The following LDB2 variants were observed in gnomAD, a reference collection of about 807,000 sequenced individuals.
The protein encoded by LDB2 is LIM domain-binding protein 2.
Under a neutral mutation model 44.3 loss-of-function variants are expected in LDB2, and 12 were observed. The ratio of observed to expected loss-of-function variants is 0.27; its 90% CI spans 0.17 to 0.44. LDB2 has a LOEUF of 0.44. Among genes scored for constraint, LDB2 ranks in the 20% least tolerant of loss-of-function variants. LDB2 has a pLI of 1.00. For missense variants in LDB2, 344 were observed against 473.5 expected, an observed-to-expected ratio of 0.73 and a Z score of 2.54; for synonymous variants, 164 against 174.8, an observed-to-expected ratio of 0.94 and a Z score of 0.49.
At position 16,708,554 on chromosome 4, in the gene LDB2, G is replaced by A. The variant is rs986149450; in HGVS notation, c.235+50604C>T. The stretch of plus-strand genomic sequence containing the variant: ...ACCTACCACCTTCCTCTGCAAATAC[G>A]GCCTGAGAGAAACTTCTTCTTCAGC... On this transcript the variant is annotated intron_variant, in intron 2 of 7. Transcript: ENST00000304523. 5.9e-5 allele frequency among the ~76,000 whole-genome samples: 9 copies of A among 151,958 alleles called. No homozygotes were observed. In the South Asian group the frequency reaches 6.3e-4, roughly 11 times the overall value.
At chr4:16,658,177 T>C (rs982513845) in intron 2 of LDB2, among the ~76,000 whole-genome samples, 1 of 152,242 alleles carries the variant, frequency 6.6e-6, no homozygotes, top group African/African-American at 2.4e-5. Flanking sequence ...GAGGTCAGTA[T>C]GGCAGATTCC....
At position 16,654,228 on chromosome 4, in the gene LDB2, T is replaced by C. The variant is rs914750920; in HGVS notation, c.236-58353A>G. 2.0e-5 allele frequency among the ~76,000 whole-genome samples: 3 copies of C among 152,158 alleles called. No homozygotes were observed. The South Asian group carries it at 6.2e-4, about 32-fold the overall frequency. Reference sequence around the variant, plus strand: ...AGTCACCCAGGAACTTCCCTGACACTCTGTATGTTTGTGAAAATAAGGAGA... The same window carrying C: ...AGTCACCCAGGAACTTCCCTGACACCCTGTATGTTTGTGAAAATAAGGAGA... On this transcript the variant is annotated intron_variant, in intron 2 of 7. Coordinates refer to ENST00000304523, the MANE Select transcript of LDB2 (RefSeq NM_001290.5).
At chr4:16,857,085 C>T (rs1006244099) in intron 1 of LDB2, among the ~76,000 whole-genome samples, 1 of 152,142 alleles carries the variant, frequency 6.6e-6, no homozygotes, top group African/African-American at 2.4e-5. Flanking sequence ...ATCATGACCC[C>T]GTTACTAATT....
intron 1 of LDB2, among the ~76,000 whole-genome samples, chr4:16,825,118 A>C (rs1782813135): frequency 6.6e-6 from 1 of 152,174 alleles, no homozygotes; most frequent in South Asian, 2.1e-4. Flanking sequence ...CTGAATGATG[A>C]GTAGCTCACC....
chr4:16,785,323 C>G (rs1387823707), intron 1 of LDB2, among the ~76,000 whole-genome samples: 1 of 152,092 alleles, frequency 6.6e-6, no homozygotes, highest in Non-Finnish European at 1.5e-5. Flanking sequence ...CCAGCCTTTT[C>G]TCAATCACTT....
chr4:16,614,846 G>A (rs528110391), intron 2 of LDB2, among the ~76,000 whole-genome samples: 71 of 151,026 alleles, frequency 4.7e-4, no homozygotes, highest in South Asian at 4.6e-3. Context: ...CGAGGCGGGC[G>A]GATCATGAGG....
chr4:16,789,004 G>A (rs287960), intron 1 of LDB2, among the ~76,000 whole-genome samples: 17,484 of 152,106 alleles, frequency 0.11, 1,362 homozygotes, highest in Non-Finnish European at 0.17. Context: ...TGCTGCTCTA[G>A]CAGCAGCAGT....
intron 2 of LDB2, among the ~76,000 whole-genome samples, chr4:16,663,035 A>G (rs1389111160): frequency 1.3e-5 from 2 of 151,942 alleles, no homozygotes; most frequent in East Asian, 1.9e-4. Flanking sequence ...AACCACTCCA[A>G]GTATTTGTTT....
chr4:16,542,663 C>T (rs1213278113), intron 5 of LDB2, among the ~76,000 whole-genome samples: 2 of 152,032 alleles, frequency 1.3e-5, no homozygotes, highest in Non-Finnish European at 2.9e-5. Flanking sequence ...TGTTGAAGTC[C>T]AAAAACAATA....
At chr4:16,809,451 A>G (rs1779374185) in intron 1 of LDB2, among the ~76,000 whole-genome samples, 2 of 152,176 alleles carry the variant, frequency 1.3e-5, no homozygotes, top group African/African-American at 4.8e-5. Flanking sequence ...CTTGAGATAG[A>G]GAAGAGTTAA....
At chr4:16,723,589 T>G (rs1352046386) in intron 2 of LDB2, among the ~76,000 whole-genome samples, 4 of 152,132 alleles carry the variant, frequency 2.6e-5, no homozygotes, top group African/African-American at 9.7e-5. Flanking sequence ...CTGCCACACA[T>G]GAACTCACCC....
chr4:16,898,501 A>C lies in LDB2; in HGVS notation c.-16T>G. 6.2e-7 allele frequency: 1 copy of C among 1,612,996 alleles called. No individual in the cohort carries two copies. Among genetic ancestry groups the C allele is most frequent in the Middle Eastern group, 1.7e-4 (1 of 6,054 alleles). ...TGCTGGACATCTTGCCTGCTTTTCG[A>C]AAATCAAGCTAAACAGAGTATCAGT... On this transcript the variant is annotated 5_prime_UTR_variant, in exon 1 of 8. Transcript: ENST00000304523.
At chr4:16,707,693 CCAAA>C (rs1754914489) in intron 2 of LDB2, among the ~76,000 whole-genome samples, 1 of 151,588 alleles carries the variant, frequency 6.6e-6, no homozygotes, top group South Asian at 2.1e-4. Flanking sequence ...CTTTTCCTCC[CCAAA>C]CATTTAAAGG....
rs1007281405 is a variant in LDB2 at position 16,662,752 on chromosome 4, C to T, written c.236-66877G>A. Among the ~76,000 whole-genome samples, 7 of 151,912 alleles carry T rather than the reference C, an allele frequency of 4.6e-5. No homozygotes were observed. In the South Asian group the frequency reaches 6.2e-4, roughly 14 times the overall value. On this transcript the variant is annotated intron_variant, in intron 2 of 7. Coordinates refer to ENST00000304523, the MANE Select transcript of LDB2 (RefSeq NM_001290.5). Reference sequence around the variant, plus strand: ...CTCTCTTGCCTGTTGCCATGTAAGACGCGTCTTTGTTCCTCGTTTGACTTC... The same window carrying T: ...CTCTCTTGCCTGTTGCCATGTAAGATGCGTCTTTGTTCCTCGTTTGACTTC...
intron 1 of LDB2, among the ~76,000 whole-genome samples, chr4:16,802,345 C>T (rs1778001545): frequency 6.6e-6 from 1 of 152,146 alleles, no homozygotes. Context: ...TATGAATGAA[C>T]AAAATCTGCC....
chr4:16,667,438 C>A (rs952635813), intron 2 of LDB2, among the ~76,000 whole-genome samples: 11 of 152,136 alleles, frequency 7.2e-5, no homozygotes, highest in East Asian at 1.9e-4. Flanking sequence ...AAACTGAGAT[C>A]TAGAGGTGGG....
intron 2 of LDB2, among the ~76,000 whole-genome samples, chr4:16,755,495 G>A (rs1445792225): frequency 1.1e-5 from 1 of 94,316 alleles, no homozygotes; most frequent in Non-Finnish European, 2.4e-5. Context: ...GTGTGTGTGT[G>A]TGTGTGTGTG....
intron 1 of LDB2, among the ~76,000 whole-genome samples, chr4:16,782,782 A>G (rs1226776692): frequency 6.6e-6 from 1 of 152,230 alleles, no homozygotes; most frequent in Non-Finnish European, 1.5e-5. Context: ...AGGAGATGGG[A>G]ACACAGTGAT....
At chr4:16,891,703 A>C (rs1008695792) in intron 1 of LDB2, among the ~76,000 whole-genome samples, 5 of 152,064 alleles carry the variant, frequency 3.3e-5, no homozygotes, top group African/African-American at 1.2e-4. Flanking sequence ...TTGGAATTTC[A>C]CTTGGTCCCT....
Sources: allele counts gnomAD v4.1 joint callset (sites outside exome capture counted in the v4.1 genomes callset), GRCh38; gene constraint gnomAD v4.1.1; transcripts MANE v1.5; gene names NCBI Gene and HGNC (gene_info 2026-07-23, HGNC 2026-07-21).